Variants in SLC14A2 observed in about 807,000 individuals in gnomAD.
The protein encoded by SLC14A2 is solute carrier family 14 member 2, also known as urea transporter 2.
In SLC14A2, 91 loss-of-function variants were observed where a neutral mutation model predicts 104.6. The observed-to-expected ratio is 0.87, with a 90% CI of 0.73 to 1.04. The LOEUF (loss-of-function observed/expected upper bound fraction) is 1.04. Among genes scored for constraint, SLC14A2 ranks in the 50% least tolerant of loss-of-function variants. The pLI, the probability that SLC14A2 is intolerant of heterozygous loss-of-function variation, is 0.00. For missense variants in SLC14A2, 1,189 were observed against 1,156.0 expected, an observed-to-expected ratio of 1.03 and a Z score of -0.41; for synonymous variants, 476 against 466.4, an observed-to-expected ratio of 1.02 and a Z score of -0.27.
intron 2 of SLC14A2, among the ~76,000 whole-genome samples, chr18:45,536,798 G>A (rs992629413): frequency 6.6e-5 from 10 of 152,134 alleles, no homozygotes; most frequent in Admixed American, 1.3e-4. Flanking sequence ...ACATTGTAAG[G>A]GCAATGAAAC....
At chr18:45,459,188 G>C (rs2612549) in intron 1 of SLC14A2, among the ~76,000 whole-genome samples, 121,566 of 152,102 alleles carry the variant, frequency 0.8, 48,878 homozygotes, top group South Asian at 0.93. Flanking sequence ...CTTCACCACC[G>C]CCTGCCAGGG....
intron 2 of SLC14A2, 144 bp from the exon 3 acceptor site, chr18:45,625,539 A>G: frequency 1.8e-6 from 1 of 570,206 alleles, no homozygotes; most frequent in Non-Finnish European, 2.9e-6. Context: ...CACTCTATGC[A>G]GCCGCAGACA....
chr18:45,491,223 C>A (rs950256928), intron 2 of SLC14A2, among the ~76,000 whole-genome samples: 1 of 152,212 alleles, frequency 6.6e-6, no homozygotes, highest in Non-Finnish European at 1.5e-5. Context: ...ATCAATAGAG[C>A]AATGGGAAAA....
At chr18:45,604,989 A>G (rs991894920) in intron 2 of SLC14A2, among the ~76,000 whole-genome samples, 12 of 152,154 alleles carry the variant, frequency 7.9e-5, no homozygotes, top group Non-Finnish European at 1.8e-4. Context: ...TCTGATTAAT[A>G]TGAGTGTCAA....
At chr18:45,360,055 G>A (rs975689571) in intron 1 of SLC14A2, among the ~76,000 whole-genome samples, 9 of 152,248 alleles carry the variant, frequency 5.9e-5, no homozygotes, top group South Asian at 2.1e-4. Context: ...TAGCCCAGAC[G>A]AGCTGTACTC....
At chr18:45,613,851 T>C (rs1281449598), upstream of SLC14A2, among the ~76,000 whole-genome samples, 1 of 152,212 alleles carries the variant, frequency 6.6e-6, no homozygotes, top group Non-Finnish European at 1.5e-5. Context: ...AAGTAGAGCA[T>C]AAAAGTTGGG....
At chr18:45,240,807 G>T (rs116660642) in intron 1 of SLC14A2, among the ~76,000 whole-genome samples, 1 of 151,688 alleles carries the variant, frequency 6.6e-6, no homozygotes, top group Non-Finnish European at 1.5e-5. Context: ...ACAGGTGCCC[G>T]CCACTATGCC....
At chr18:45,258,293 G>C (rs1345551978) in intron 1 of SLC14A2, among the ~76,000 whole-genome samples, 1 of 142,034 alleles carries the variant, frequency 7.0e-6, no homozygotes, top group Non-Finnish European at 1.5e-5. Flanking sequence ...ATAGTGCCCA[G>C]GAGCCTACCA....
intron 5 of SLC14A2, 47 bp downstream of exon 5, chr18:45,632,525 G>A (rs775527982): frequency 6.9e-6 from 11 of 1,602,636 alleles, no homozygotes; most frequent in Middle Eastern, 1.7e-4. Flanking sequence ...GGGCCCCCAA[G>A]ACACTTGTGT....
At chr18:45,395,531 A>G (rs1039058261) in intron 1 of SLC14A2, among the ~76,000 whole-genome samples, 2 of 152,186 alleles carry the variant, frequency 1.3e-5, no homozygotes, top group African/African-American at 4.8e-5. Flanking sequence ...ATTTGTTAAG[A>G]AGGTAGATTT....
intron 2 of SLC14A2, chr18:45,527,821 A>G (rs576831128): frequency 5.8e-4 from 89 of 152,372 alleles, no homozygotes; most frequent in African/African-American, 2.1e-3. Flanking sequence ...ATTACAGTTC[A>G]TAACTCTTGT....
chr18:45,650,323 T>A (rs1229104630), intron 10 of SLC14A2, among the ~76,000 whole-genome samples: 2 of 149,992 alleles, frequency 1.3e-5, no homozygotes, highest in Non-Finnish European at 3.0e-5. Context: ...GTGTTTATGA[T>A]TTTTTTTTTA....
intron 1 of SLC14A2, among the ~76,000 whole-genome samples, chr18:45,436,229 TC>T (rs376971837): frequency 1.0e-3 from 158 of 152,338 alleles, no homozygotes; most frequent in African/African-American, 3.8e-3. Context: ...CAGTCTGTTT[TC>T]AAATAGGTTA....
intron 2 of SLC14A2, among the ~76,000 whole-genome samples, chr18:45,578,619 A>G (rs1476473808): frequency 1.3e-5 from 2 of 150,010 alleles, no homozygotes; most frequent in African/African-American, 5.1e-5. Context: ...ATTGGAATAC[A>G]TACAATTTTG....
At chr18:45,359,429 G>A (rs2144323899) in intron 1 of SLC14A2, among the ~76,000 whole-genome samples, 1 of 152,262 alleles carries the variant, frequency 6.6e-6, no homozygotes, top group South Asian at 2.1e-4. Flanking sequence ...TAACCCTGTG[G>A]TGCCTCCTTC....
intron 1 of SLC14A2, among the ~76,000 whole-genome samples, chr18:45,248,446 A>G (rs902669808): frequency 5.3e-5 from 8 of 152,102 alleles, no homozygotes; most frequent in African/African-American, 1.7e-4. Flanking sequence ...TTATCCCAGC[A>G]TGAAACAGGA....
intron 2 of SLC14A2, among the ~76,000 whole-genome samples, chr18:45,551,623 C>T (rs1343505312): frequency 1.3e-5 from 2 of 152,068 alleles, no homozygotes; most frequent in Non-Finnish European, 2.9e-5. Context: ...AGTAGGGAGG[C>T]TGTAAGATGA....
chr18:45,229,843 C>T (rs2084157252), intron 1 of SLC14A2, among the ~76,000 whole-genome samples: 1 of 151,460 alleles, frequency 6.6e-6, no homozygotes, highest in Non-Finnish European at 1.5e-5. Context: ...CAACTCTTCA[C>T]CCTATGGAAT....
At chr18:45,641,079 T>A in intron 7 of SLC14A2, 130 bp from the exon 8 acceptor site, 1 of 873,670 alleles carries the variant, frequency 1.1e-6, no homozygotes, top group South Asian at 1.9e-5. Context: ...AGAGGCTCTT[T>A]TGATGGGCAG....
Sources: allele counts gnomAD v4.1 joint callset (sites outside exome capture counted in the v4.1 genomes callset), GRCh38; gene constraint gnomAD v4.1.1; transcripts MANE v1.5; gene names NCBI Gene and HGNC (gene_info 2026-07-23, HGNC 2026-07-21).